Variants in ERICH1 observed in about 807,000 individuals in gnomAD.
ERICH1 encodes glutamate rich 1.
A neutral mutation model predicts 39.6 loss-of-function variants in ERICH1; 56 were observed. The observed-to-expected ratio is 1.41, with a 90% CI of 1.14 to 1.77. ERICH1 has a LOEUF of 1.77. Ranked by LOEUF, ERICH1 falls within the 40% of genes most tolerant of loss-of-function variation. The probability of loss-of-function intolerance (pLI) is 0.00; values close to 1 mark genes in which losing one functional copy is unlikely to be tolerated. For missense variants in ERICH1, 826 were observed against 575.4 expected (o/e 1.44, Z -4.45); for synonymous variants, 313 against 223.6 (o/e 1.40, Z -3.57).
chr8:650,086 C>A (rs1011643658), intron 3 of ERICH1, among the ~76,000 whole-genome samples: 1 of 152,234 alleles, frequency 6.6e-6, no homozygotes, highest in African/African-American at 2.4e-5. Flanking sequence ...TTCAGAAGAA[C>A]AAGGCCGGAA....
intron 3 of ERICH1, among the ~76,000 whole-genome samples, chr8:620,147 A>G (rs374428746): frequency 2.6e-4 from 40 of 151,648 alleles, no homozygotes; most frequent in African/African-American, 9.2e-4. Flanking sequence ...CCTCGTCTCT[A>G]CTAAAAATAC....
At position 632,896 on chromosome 8, in the gene ERICH1, C is replaced by G. The variant is rs528514598; in HGVS notation, c.977-17612G>C. 2.0e-5 allele frequency among the ~76,000 whole-genome samples: 3 copies of G among 152,324 alleles called. No homozygotes were observed. The South Asian group carries it at 6.2e-4, about 32-fold the overall frequency. ...ACCACGGATGCGGCTCAACACCCCACAGTGCACAAGACGTCCCACGGTGCA... is the reference window on the plus strand; with the variant it reads ...ACCACGGATGCGGCTCAACACCCCAGAGTGCACAAGACGTCCCACGGTGCA... On this transcript the variant is annotated intron_variant, in intron 3 of 3. Transcript: ENST00000522706.
At position 677,335 on chromosome 8, in the gene ERICH1, G is replaced by A. The variant is rs76261300; in HGVS notation, c.305-3288C>T. 1.8e-4 allele frequency among the ~76,000 whole-genome samples: 27 copies of A among 152,300 alleles called. 1 individual carries two copies. In the East Asian group the frequency reaches 5.2e-3, roughly 29 times the overall value. Reference sequence around the variant, plus strand: ...GGAACTGTGAGATGACATTGCTGCCGCTTTGTGGAAGAGAGTTCCCACCGT... The same window carrying A: ...GGAACTGTGAGATGACATTGCTGCCACTTTGTGGAAGAGAGTTCCCACCGT... On this transcript the variant is annotated intron_variant, in intron 3 of 5. Transcript: ENST00000262109.
chr8:658,451 C>A (rs1267816875), intron 3 of ERICH1, among the ~76,000 whole-genome samples: 1 of 152,204 alleles, frequency 6.6e-6, no homozygotes, highest in East Asian at 1.9e-4. Context: ...TCCCTGAACA[C>A]CTGGCACTGT....
In ERICH1 at chr8:648,033, C is replaced by T. The variant is rs1328672750; in HGVS notation, c.976+20565G>A. On this transcript the variant is annotated intron_variant, in intron 3 of 3. Transcript: ENST00000522706. ...CAATGGAAACGTACAGTGTGGCTGA[C>T]GCAAACGACAGCACGTCAGACAGCA... Among the ~76,000 whole-genome samples the T allele has an allele frequency of 8.9e-5, 6 of 67,794 alleles. 3 individuals carry two copies. Among genetic ancestry groups the T allele is most frequent in the South Asian group, 1.1e-3 (2 of 1,878 alleles). The allele number at this position is 67,794 out of a possible 152,430, so 44.5% of individuals were successfully genotyped here.
intron 4 of ERICH1, among the ~76,000 whole-genome samples, chr8:669,643 C>T (rs1802844031): frequency 6.6e-6 from 1 of 152,254 alleles, no homozygotes; most frequent in Non-Finnish European, 1.5e-5. Flanking sequence ...CTTCCCTGTC[C>T]AACACACGAC....
At chr8:616,321 C>T (rs1012171334) in intron 3 of ERICH1, 16 of 338,646 alleles carry the variant, frequency 4.7e-5, no homozygotes, top group Middle Eastern at 1.1e-3. Flanking sequence ...GCAAGAGGGA[C>T]GCGTTAACTG....
intron 2 of ERICH1, among the ~76,000 whole-genome samples, chr8:708,920 C>G (rs1814075817): frequency 6.6e-6 from 1 of 151,770 alleles, no homozygotes; most frequent in South Asian, 2.1e-4. Flanking sequence ...GTCTCCAACT[C>G]CTAAGCTCAA....
At chr8:663,167 C>G (rs1268321324), downstream of ERICH1, among the ~76,000 whole-genome samples, 1 of 152,168 alleles carries the variant, frequency 6.6e-6, no homozygotes, top group Non-Finnish European at 1.5e-5. Context: ...CAGAAGGTTC[C>G]AACATGTAGA....
At chr8:631,533 G>C (rs1798039383) in intron 3 of ERICH1, among the ~76,000 whole-genome samples, 1 of 152,204 alleles carries the variant, frequency 6.6e-6, no homozygotes, top group African/African-American at 2.4e-5. Context: ...TGGGCGAGAA[G>C]TCTTGAGGCC....
At chr8:625,086 ATTC>A (rs1379786067) in intron 3 of ERICH1, among the ~76,000 whole-genome samples, 28 of 152,258 alleles carry the variant, frequency 1.8e-4, no homozygotes, top group Non-Finnish European at 1.5e-4. Flanking sequence ...AGCGAGGTGG[ATTC>A]CACGCCCATG....
Position 619,636 on chromosome 8 carries a change from C to T in ERICH1, c.977-4352G>A, listed in dbSNP as rs184435710. Among the ~76,000 whole-genome samples the T allele has an allele frequency of 2.7e-4, 41 of 152,250 alleles. No homozygotes were observed. The East Asian group carries it at 4.1e-3, about 15-fold the overall frequency. On this transcript the variant is annotated intron_variant, in intron 3 of 3. Transcript: ENST00000522706. The stretch of plus-strand genomic sequence containing the variant: ...AAACATATACTTGCTCTCCTTTCTT[C>T]TCTCAACTTCCTTAAAAGACTTAAG...
intron 3 of ERICH1, chr8:656,848 A>C (rs1338927948): frequency 1.0e-6 from 1 of 985,466 alleles, no homozygotes; most frequent in Middle Eastern, 5.2e-4. Flanking sequence ...GCCCCCCAGC[A>C]TGCTCCAGCC....
chr8:667,023 C>G (rs1305145131), intron 5 of ERICH1: 1 of 153,226 alleles, frequency 6.5e-6, no homozygotes, highest in Non-Finnish European at 1.5e-5. Context: ...AGGTATCTCT[C>G]AGCAGGTCCT....
chr8:627,671 C>A (rs569987035), intron 3 of ERICH1, among the ~76,000 whole-genome samples: 1 of 152,200 alleles, frequency 6.6e-6, no homozygotes. Flanking sequence ...CACCTGAACC[C>A]GAAAGCAAGG....
In ERICH1 at chr8:673,501, C is replaced by G. The variant is rs202018896; in HGVS notation, c.851G>C (p.Arg284Pro). The change falls in exon 4 of 6, where the codon CGG becomes CCG. Residue 284 changes from arginine to proline, a missense_variant. Physicochemically the swap from Arg to Pro is moderately radical, Grantham distance 103 (BLOSUM62 -2). Transcript: ENST00000262109. Reference protein sequence around the residue: ...GVDTIEEDLTRAGEEDGKDTR... With the variant: ...GVDTIEEDLTPAGEEDGKDTR... Reference sequence around the variant, plus strand: ...GTCTTTACCGTCTTCCTCCCCGGCCCGTGTCAGGTCTTCCTCAATGGTGTC... The same window carrying G: ...GTCTTTACCGTCTTCCTCCCCGGCCGGTGTCAGGTCTTCCTCAATGGTGTC... 114 of 1,610,754 alleles carry G rather than the reference C, an allele frequency of 7.1e-5. No individual in the cohort carries two copies. Among genetic ancestry groups the G allele is most frequent in the Non-Finnish European group, 9.1e-5 (107 of 1,179,174 alleles).
intron 3 of ERICH1, among the ~76,000 whole-genome samples, chr8:674,880 C>G (rs1252821668): frequency 1.3e-5 from 2 of 152,182 alleles, no homozygotes; most frequent in Non-Finnish European, 2.9e-5. Flanking sequence ...TGGCTAATAA[C>G]CAGCTCTCGG....
At chr8:632,060 G>A (rs988281591) in intron 3 of ERICH1, among the ~76,000 whole-genome samples, 1 of 152,152 alleles carries the variant, frequency 6.6e-6, no homozygotes, top group Admixed American at 6.5e-5. Context: ...TGCTTCCCCA[G>A]GACACAGGCT....
At chr8:622,330 G>A (rs1379110822) in intron 3 of ERICH1, among the ~76,000 whole-genome samples, 10 of 152,166 alleles carry the variant, frequency 6.6e-5, no homozygotes. Context: ...TTATTAGGAG[G>A]TGGGGCCTTT....
Sources: allele counts gnomAD v4.1 joint callset (sites outside exome capture counted in the v4.1 genomes callset), GRCh38; gene constraint gnomAD v4.1.1; transcripts MANE v1.5; gene names NCBI Gene and HGNC (gene_info 2026-07-23, HGNC 2026-07-21).